The following HHIPL2 variants were observed in gnomAD, a reference collection of about 807,000 sequenced individuals.
The protein encoded by HHIPL2 is HHIP like 2, also known as HHIP-like protein 2.
HHIPL2 carries 61 observed loss-of-function variants against 61.0 expected under a neutral mutation model. The observed-to-expected ratio is 1.00, with a 90% CI of 0.81 to 1.24. HHIPL2 has a LOEUF of 1.24. Among genes scored for constraint, HHIPL2 ranks in the 50% most tolerant of loss-of-function variants. HHIPL2 has a pLI of 0.00. For missense variants in HHIPL2, 885 were observed against 910.2 expected (o/e 0.97, Z 0.36); for synonymous variants, 343 against 357.4 (o/e 0.96, Z 0.45).
At chr1:222,537,377 C>T (rs1413855229) in intron 5 of HHIPL2, among the ~76,000 whole-genome samples, 1 of 151,008 alleles carries the variant, frequency 6.6e-6, no homozygotes, top group East Asian at 1.9e-4. Flanking sequence ...ATGCTTTCCC[C>T]TATTTCTATT....
intron 4 of HHIPL2, chr1:222,539,010 T>C (rs1275902233): frequency 1.4e-5 from 7 of 492,700 alleles, no homozygotes; most frequent in Non-Finnish European, 2.5e-5. Flanking sequence ...AGCCAAAAAT[T>C]CCCTCCATCT....
chr1:222,534,746 A>G (rs1190424824), intron 5 of HHIPL2, among the ~76,000 whole-genome samples: 1 of 152,072 alleles, frequency 6.6e-6, no homozygotes, highest in Admixed American at 6.6e-5. Flanking sequence ...TTCATGAACT[A>G]AAGACATAGC....
At chr1:222,535,203 T>C (rs1659277257) in intron 5 of HHIPL2, among the ~76,000 whole-genome samples, 1 of 152,050 alleles carries the variant, frequency 6.6e-6, no homozygotes, top group South Asian at 2.1e-4. Flanking sequence ...GAAAAAAACA[T>C]GTTAACATAG....
intron 2 of HHIPL2, among the ~76,000 whole-genome samples, chr1:222,542,766 G>A (rs1054457013): frequency 2.6e-5 from 4 of 151,586 alleles, no homozygotes; most frequent in African/African-American, 9.7e-5. Context: ...CAAGTGATCC[G>A]CCCGCCTCAG....
intron 2 of HHIPL2, among the ~76,000 whole-genome samples, chr1:222,542,748 C>T (rs926784411): frequency 6.6e-6 from 1 of 151,976 alleles, no homozygotes; most frequent in African/African-American, 2.4e-5. Flanking sequence ...GTCTTGAACT[C>T]CTGACCTCAA....
At chr1:222,541,642 T>C (rs932367512) in intron 3 of HHIPL2, among the ~76,000 whole-genome samples, 2 of 152,174 alleles carry the variant, frequency 1.3e-5, no homozygotes, top group African/African-American at 2.4e-5. Flanking sequence ...TGGCTCTCAG[T>C]AGTTAACTTC....
rs199572964 is a variant in HHIPL2, at chr1:222,523,655, G to A, written c.1845C>T (p.Pro615=). ...PPGKCKYKPV[P]VRTKSKRIPF... ...GGATCCGCTTACTCTTGGTTCTCAC[G>A]GGCACTGGCTTGTATTTGCACTTGC... is the stretch of plus-strand genomic sequence containing the variant. Residue 615 remains proline, a synonymous_variant, in exon 8 of 9, where the codon CCC becomes CCT. Transcript: ENST00000343410. The A allele has an allele frequency of 5.6e-5, 91 of 1,614,116 alleles. No homozygotes were observed. The highest frequency in any genetic ancestry group is 2.2e-4 in the East Asian group (10 of 44,878).
At chr1:222,544,419 A>G (rs1213003391) in intron 1 of HHIPL2, among the ~76,000 whole-genome samples, 1 of 152,230 alleles carries the variant, frequency 6.6e-6, no homozygotes, top group Non-Finnish European at 1.5e-5. Context: ...ACTATCTCTA[A>G]CATTTCAGCT....
intron 1 of HHIPL2, among the ~76,000 whole-genome samples, chr1:222,546,295 G>A (rs1428253013): frequency 6.6e-6 from 1 of 152,178 alleles, no homozygotes; most frequent in Non-Finnish European, 1.5e-5. Flanking sequence ...CTGAGCATCT[G>A]GCTCTGTGCC....
intron 5 of HHIPL2, among the ~76,000 whole-genome samples, chr1:222,536,899 T>G (rs2087189): frequency 3.3e-5 from 5 of 151,244 alleles, no homozygotes; most frequent in Non-Finnish European, 7.4e-5. Flanking sequence ...AAAAAAAAAT[T>G]TTTTTTAATT....
At position 222,540,235 on chromosome 1, in the gene HHIPL2, C is replaced by T. The variant is rs188993091; in HGVS notation, c.1225G>A (p.Ala409Thr). Reference sequence around the variant, plus strand: ...CCATAGGCATAGATGGCGGGGTGGGCCCCTGGCTCAGAAACAAATGGATTG... The same window carrying T: ...CCATAGGCATAGATGGCGGGGTGGGTCCCTGGCTCAGAAACAAATGGATTG... ...SDNPFVSEPG[A>T]HPAIYAYGIR... The change falls in exon 4 of 9, where the codon GCC (alanine) becomes ACC (threonine). Residue 409 changes from alanine (A) to threonine (T), a missense_variant. By Grantham distance (58) the Ala-to-Thr change is moderately conservative (BLOSUM62 0). Transcript: ENST00000343410. The T allele has an allele frequency of 1.2e-6, 2 of 1,614,262 alleles. No homozygotes were observed. Among genetic ancestry groups the T allele is most frequent in the Non-Finnish European group, 8.5e-7 (1 of 1,180,044 alleles).
intron 6 of HHIPL2, among the ~76,000 whole-genome samples, chr1:222,529,196 C>T (rs1659137411): frequency 6.6e-6 from 1 of 152,196 alleles, no homozygotes; most frequent in Non-Finnish European, 1.5e-5. Flanking sequence ...ATGGTCTTTG[C>T]ATAGCCCCTA....
intron 5 of HHIPL2, among the ~76,000 whole-genome samples, chr1:222,533,177 C>A (rs916513145): frequency 6.6e-6 from 1 of 152,000 alleles, no homozygotes; most frequent in Non-Finnish European, 1.5e-5. Context: ...CCAGCCTGAC[C>A]AACATGGCAA....
intron 2 of HHIPL2, among the ~76,000 whole-genome samples, chr1:222,543,019 CAA>C (rs896035385): frequency 7.9e-5 from 12 of 152,200 alleles, no homozygotes; most frequent in African/African-American, 1.9e-4. Context: ...GGAAAAGAAA[CAA>C]GAGAGAAAGG....
chr1:222,547,784 T>A lies in HHIPL2; in HGVS notation c.261A>T (p.Glu87Asp). The A allele has an allele frequency of 1.2e-6, 2 of 1,614,190 alleles. No homozygotes were observed. Among genetic ancestry groups the A allele is most frequent in the South Asian group, 1.1e-5 (1 of 91,090 alleles). Reference sequence around the variant, plus strand: ...GCTCATGTCTCTTCAGATCAAAATATTCCATGATGTCCCAGTACCGGGCAG... The same window carrying A: ...GCTCATGTCTCTTCAGATCAAAATAATCCATGATGTCCCAGTACCGGGCAG... ...RIAARYWDIM[E>D]YFDLKRHELC... The change falls in exon 1 of 9, where the codon GAA becomes GAT. Residue 87 changes from glutamate to aspartate, a missense_variant. Physicochemically the swap from Glu to Asp is conservative, Grantham distance 45. Coordinates refer to ENST00000343410, the MANE Select transcript of HHIPL2 (RefSeq NM_024746.4).
chr1:222,542,195 CA>C (rs777338210), intron 2 of HHIPL2, 40 bp from the exon 3 acceptor site: 6 of 1,602,570 alleles, frequency 3.7e-6, no homozygotes, highest in Non-Finnish European at 5.1e-6. Flanking sequence ...GGATTTGACA[CA>C]AGCTGAAGCT....
At chr1:222,537,694 C>A (rs544273569) in intron 5 of HHIPL2, among the ~76,000 whole-genome samples, 1 of 151,048 alleles carries the variant, frequency 6.6e-6, no homozygotes, top group Non-Finnish European at 1.5e-5. Flanking sequence ...AAATTATGTT[C>A]CACATAGAAA....
Position 222,547,921 on chromosome 1 carries a change from G to A in HHIPL2, c.124C>T (p.His42Tyr), listed in dbSNP as rs1165457019. 6.2e-7 allele frequency: 1 copy of A among 1,613,030 alleles called. No homozygotes were observed. Among genetic ancestry groups the A allele is most frequent in the Non-Finnish European group, 8.5e-7 (1 of 1,179,334 alleles). ...LLGQVGLLQG[H>Y]PQCLDYGPPF... The stretch of plus-strand genomic sequence containing the variant: ...GGCCCGTAATCCAGGCACTGGGGGT[G>A]TCCCTGCAGCAAGCCCACCTGGCCC... The change falls in exon 1 of 9, where the codon CAC becomes TAC. Residue 42 changes from histidine (H) to tyrosine (Y), a missense_variant. His to Tyr is a moderately conservative substitution (Grantham distance 83). Coordinates refer to ENST00000343410, the MANE Select transcript of HHIPL2 (RefSeq NM_024746.4).
At chr1:222,532,550 G>T (rs1659215156) in intron 5 of HHIPL2, among the ~76,000 whole-genome samples, 1 of 151,616 alleles carries the variant, frequency 6.6e-6, no homozygotes, top group African/African-American at 2.4e-5. Flanking sequence ...GGACGTGGAG[G>T]TTGCAGTGAG....
Sources: gnomAD v4.1 joint callset for allele counts (sites outside exome capture counted in the v4.1 genomes callset) on GRCh38, gnomAD v4.1.1 for gene constraint, MANE v1.5 for transcripts, NCBI Gene and HGNC (gene_info 2026-07-23, HGNC 2026-07-21) for gene names.